Variants in TP73 observed in about 807,000 individuals in gnomAD.
TP73 encodes the protein tumor protein p73.
In TP73, 25 loss-of-function variants were observed where a neutral mutation model predicts 62.5. That is an observed-to-expected ratio of 0.40 (90% CI 0.29 to 0.56). The LOEUF (loss-of-function observed/expected upper bound fraction) is 0.56. Among genes scored for constraint, TP73 ranks in the 20% least tolerant of loss-of-function variants. The pLI is 0.46. For synonymous variants in TP73, 423 were observed against 377.5 expected, an observed-to-expected ratio of 1.12 and a Z score of -1.40; for missense variants, 754 against 913.3, an observed-to-expected ratio of 0.83 and a Z score of 2.25.
At chr1:3,714,460 TG>T (rs1640424713) in intron 4 of TP73, among the ~76,000 whole-genome samples, 1 of 152,064 alleles carries the variant, frequency 6.6e-6, no homozygotes, top group Non-Finnish European at 1.5e-5. Context: ...GTGAGGATGG[TG>T]GGGGCAAGGA....
chr1:3,665,657 CTTTTTTT>C (rs58949374), intron 1 of TP73, among the ~76,000 whole-genome samples: 1 of 137,598 alleles, frequency 7.3e-6, no homozygotes, highest in Non-Finnish European at 1.6e-5. Context: ...TCTCTCTTTT[CTTTTTTT>C]TTTTTTTTTA....
At chr1:3,704,618 C>G (rs1390084097) in intron 3 of TP73, among the ~76,000 whole-genome samples, 1 of 152,242 alleles carries the variant, frequency 6.6e-6, no homozygotes. Flanking sequence ...TGAGCCCGGA[C>G]AGGGCTGGTG....
Position 3,663,670 on chromosome 1 carries a change from C to G in TP73, c.-34+11029C>G, listed in dbSNP as rs536918978. Reference sequence around the variant, plus strand: ...GGTGGAGCTTGCAGTGAGCCAAGATCGTGCAACAATGCGAGACTCCATCTC... The same window carrying G: ...GGTGGAGCTTGCAGTGAGCCAAGATGGTGCAACAATGCGAGACTCCATCTC... On this transcript the variant is annotated intron_variant, in intron 1 of 13. Coordinates refer to ENST00000378295, the MANE Select transcript of TP73 (RefSeq NM_005427.4). This position sits in a 1 kb window ranked among gnomAD's most constrained non-coding sequence, Gnocchi z 4.7. Among the ~76,000 whole-genome samples, 3 of 147,550 alleles carry G rather than the reference C, an allele frequency of 2.0e-5. No individual in the cohort carries two copies. The highest frequency in any genetic ancestry group is 4.5e-5 in the Non-Finnish European group (3 of 67,248).
At chr1:3,708,984 T>C (rs3765754) in intron 4 of TP73, among the ~76,000 whole-genome samples, 48,905 of 152,148 alleles carry the variant, frequency 0.32, 8,456 homozygotes, top group Middle Eastern at 0.38. Flanking sequence ...CCCTCAGGTT[T>C]TTCCGCTTTA....
At chr1:3,690,629 A>C in intron 3 of TP73, 3 of 1,336,054 alleles carry the variant, frequency 2.2e-6, no homozygotes, top group Non-Finnish European at 1.9e-6. Flanking sequence ...ACTTGGATGA[A>C]TACTCATGAG....
Position 3,701,910 on chromosome 1 carries a change from C to T in TP73, c.187-5639C>T. Among the ~76,000 whole-genome samples the T allele has an allele frequency of 6.6e-6, 1 of 152,182 alleles. No individual in the cohort carries two copies. The highest frequency in any genetic ancestry group is 1.9e-4 in the East Asian group (1 of 5,196). On this transcript the variant is annotated intron_variant, in intron 3 of 13. Coordinates refer to ENST00000378295, the MANE Select transcript of TP73 (RefSeq NM_005427.4). The surrounding 1 kb of genome is among the most constrained non-coding windows in gnomAD (Gnocchi z 4.7). ...CACAGGTGGAGCTGAGACTTGGCCC[C>T]AGGACTCCTGACCTCAGAGCCCTGC...
chr1:3,691,139 G>A (rs1005033348), intron 3 of TP73, among the ~76,000 whole-genome samples: 15 of 152,112 alleles, frequency 9.9e-5, no homozygotes, highest in African/African-American at 3.6e-4. Context: ...AAGCAGATTC[G>A]GGCTCCAACA....
intron 4 of TP73, among the ~76,000 whole-genome samples, chr1:3,717,704 TGGAGCCGTCCTG>T (rs913298137): frequency 1.2e-4 from 18 of 152,116 alleles, no homozygotes; most frequent in Non-Finnish European, 2.6e-4. Flanking sequence ...GGGGGAGCGC[TGGAGCCGTCCTG>T]GGCTCAGCCA....
chr1:3,681,375 T>C lies in TP73; in HGVS notation c.-33-958T>C, dbSNP rs560170985. Among the ~76,000 whole-genome samples, 3 of 152,294 alleles carry C rather than the reference T, an allele frequency of 2.0e-5. No individual in the cohort carries two copies. In the East Asian group the frequency reaches 5.8e-4, roughly 29 times the overall value. ...TGGGCAGGGTGGGCTCGGGTTTCCC[T>C]GTCCCCTCCCCCAGCTGTGCTCTGC... On this transcript the variant is annotated intron_variant, in intron 1 of 13. Transcript: ENST00000378295.
rs1645109720 is a variant in TP73, at chr1:3,666,159, A to C, written c.-34+13518A>C. Among the ~76,000 whole-genome samples, 1 of 139,954 alleles carries C rather than the reference A, an allele frequency of 7.1e-6. No individual in the cohort carries two copies. The highest frequency in any genetic ancestry group is 2.6e-5 in the African/African-American group (1 of 38,486). The allele number at this position is 139,954 out of a possible 152,430, so 91.8% of individuals were successfully genotyped here. ...AAAAAAAAAAAAAAAAAAGAGAGAG[A>C]GAGAGAGAGAATCTCACTCTGCAGC... is the stretch of plus-strand genomic sequence containing the variant. On this transcript the variant is annotated intron_variant, in intron 1 of 13. Transcript: ENST00000378295. This position sits in a 1 kb window ranked among gnomAD's most constrained non-coding sequence, Gnocchi z 6.4.
rs1639193486 is a variant in TP73 at position 3,701,804 on chromosome 1, T to C, written c.187-5745T>C. Reference sequence around the variant, plus strand: ...GATGACAGGCATGAGCCACCACGCCTGGCCAGTACATGTTGATTTCATCCC... The same window carrying C: ...GATGACAGGCATGAGCCACCACGCCCGGCCAGTACATGTTGATTTCATCCC... On this transcript the variant is annotated intron_variant, in intron 3 of 13. Transcript: ENST00000378295. The surrounding 1 kb of genome is among the most constrained non-coding windows in gnomAD (Gnocchi z 4.7). Among the ~76,000 whole-genome samples the C allele has an allele frequency of 6.6e-6, 1 of 152,150 alleles. No individual in the cohort carries two copies. Among genetic ancestry groups the C allele is most frequent in the African/African-American group, 2.4e-5 (1 of 41,440 alleles).
At position 3,701,067 on chromosome 1, in the gene TP73, C is replaced by T. The variant is rs1327236612; in HGVS notation, c.187-6482C>T. On this transcript the variant is annotated intron_variant, in intron 3 of 13. Transcript: ENST00000378295. This position sits in a 1 kb window ranked among gnomAD's most constrained non-coding sequence, Gnocchi z 4.7. Reference sequence around the variant, plus strand: ...GCCGACATGGCGGGCAGTGGCACACCGTGGCCACTTCCCCCAGTTGGATGG... The same window carrying T: ...GCCGACATGGCGGGCAGTGGCACACTGTGGCCACTTCCCCCAGTTGGATGG... 1.3e-5 allele frequency among the ~76,000 whole-genome samples: 2 copies of T among 152,208 alleles called. No individual in the cohort carries two copies. The highest frequency in any genetic ancestry group is 1.9e-4 in the East Asian group (1 of 5,186).
At chr1:3,697,771 C>T (rs993169132) in intron 3 of TP73, among the ~76,000 whole-genome samples, 6 of 152,242 alleles carry the variant, frequency 3.9e-5, no homozygotes, top group African/African-American at 1.2e-4. Flanking sequence ...AGCCCACTAA[C>T]TGGGGAGGGG....
chr1:3,708,240 A>G (rs544061601), intron 4 of TP73: 1 of 195,822 alleles, frequency 5.1e-6, no homozygotes, highest in African/African-American at 2.3e-5. Context: ...GGGTGGGTGG[A>G]TTTGGGCTTT....
At chr1:3,671,933 G>C (rs761009929) in intron 1 of TP73, among the ~76,000 whole-genome samples, 1 of 152,114 alleles carries the variant, frequency 6.6e-6, no homozygotes, top group Non-Finnish European at 1.5e-5. Flanking sequence ...CTGAGCGGCT[G>C]ACTCCAGAAC....
intron 1 of TP73, among the ~76,000 whole-genome samples, chr1:3,655,466 T>C (rs1243034654): frequency 6.6e-6 from 1 of 152,194 alleles, no homozygotes; most frequent in Non-Finnish European, 1.5e-5. Flanking sequence ...TGTTTTCCAG[T>C]GTGGGGAGGG....
chr1:3,687,321 G>T (rs1208707312), intron 3 of TP73, among the ~76,000 whole-genome samples: 1 of 152,184 alleles, frequency 6.6e-6, no homozygotes, highest in Non-Finnish European at 1.5e-5. Flanking sequence ...AGGCTTGACG[G>T]GCTTCTGGAT....
intron 3 of TP73, among the ~76,000 whole-genome samples, chr1:3,695,850 A>G (rs576583562): frequency 4.7e-4 from 72 of 152,302 alleles, no homozygotes; most frequent in African/African-American, 1.7e-3. Context: ...CGATCCAGGG[A>G]ATGGGGCAGC....
intron 1 of TP73, among the ~76,000 whole-genome samples, chr1:3,667,253 G>C (rs554229451): frequency 6.6e-6 from 1 of 152,182 alleles, no homozygotes; most frequent in Non-Finnish European, 1.5e-5. Flanking sequence ...GTATTCTCCC[G>C]GGGTCTCCAG....
Sources: allele counts gnomAD v4.1 joint callset (sites outside exome capture counted in the v4.1 genomes callset), GRCh38; gene constraint gnomAD v4.1.1; non-coding constraint Gnocchi (gnomAD v3.1); transcripts MANE v1.5; gene names NCBI Gene and HGNC (gene_info 2026-07-23, HGNC 2026-07-21).